Variants in FBXL7 observed in about 807,000 individuals in gnomAD.
FBXL7 encodes F-box/LRR-repeat protein 7.
A neutral mutation model predicts 38.3 loss-of-function variants in FBXL7; 12 were observed. The ratio of observed to expected loss-of-function variants is 0.31; its 90% confidence interval spans 0.20 to 0.51. The LOEUF (loss-of-function observed/expected upper bound fraction) is 0.51, where lower values mean the gene tolerates loss of function less well. FBXL7 is among the 20% of genes least tolerant of loss of function. FBXL7 has a pLI of 0.98. For missense variants in FBXL7, 567 were observed against 676.4 expected (o/e 0.84, Z 1.79); for synonymous variants, 297 against 300.9 (o/e 0.99, Z 0.13).
intron 2 of FBXL7, among the ~76,000 whole-genome samples, chr5:15,768,821 C>T (rs1170469949): frequency 6.6e-6 from 1 of 152,146 alleles, no homozygotes; most frequent in Non-Finnish European, 1.5e-5. Flanking sequence ...GGGGGATTTG[C>T]TATGGACTAC....
intron 2 of FBXL7, among the ~76,000 whole-genome samples, chr5:15,675,006 C>A (rs963217737): frequency 3.3e-5 from 5 of 152,074 alleles, no homozygotes; most frequent in African/African-American, 1.2e-4. Context: ...CAGAGTTTCC[C>A]CCAAGACCTC....
chr5:15,746,344 A>G (rs1561109931), intron 2 of FBXL7, among the ~76,000 whole-genome samples: 1 of 152,324 alleles, frequency 6.6e-6, no homozygotes, highest in African/African-American at 2.4e-5. Flanking sequence ...CTGGTGATAC[A>G]AAGTTGGATG....
At chr5:15,560,694 C>G (rs924622801) in intron 1 of FBXL7, among the ~76,000 whole-genome samples, 1 of 152,188 alleles carries the variant, frequency 6.6e-6, no homozygotes, top group Non-Finnish European at 1.5e-5. Context: ...TTAGCAGTCT[C>G]TTTCAACTTC....
intron 2 of FBXL7, among the ~76,000 whole-genome samples, chr5:15,714,385 A>G (rs1225267307): frequency 1.3e-5 from 2 of 152,176 alleles, no homozygotes; most frequent in African/African-American, 2.4e-5. Flanking sequence ...GCATGCTTCC[A>G]GTACAGCCTG....
chr5:15,739,863 T>C (rs1735849961), intron 2 of FBXL7, among the ~76,000 whole-genome samples: 7 of 152,198 alleles, frequency 4.6e-5, no homozygotes, highest in Admixed American at 4.6e-4. Context: ...TGTGTGCACC[T>C]ATGTTTTCAT....
At chr5:15,558,556 T>G (rs1738320601) in intron 1 of FBXL7, among the ~76,000 whole-genome samples, 1 of 152,210 alleles carries the variant, frequency 6.6e-6, no homozygotes, top group Non-Finnish European at 1.5e-5. Flanking sequence ...CCCAAGGGAT[T>G]TACTTTGGAA....
chr5:15,865,267 A>G lies in FBXL7; in HGVS notation c.128-62623A>G, dbSNP rs79339578. Among the ~76,000 whole-genome samples the G allele has an allele frequency of 6.7e-3, 1,025 of 152,282 alleles. 7 individuals carry two copies. The highest frequency in any genetic ancestry group is 0.012 in the Admixed American group (177 of 15,288). ...CATCTAAATGCTACGAGCTGAAGGAAGGGCTGTTCCCAAAGGAAAGGTTGC... is the reference window on the plus strand; with the variant it reads ...CATCTAAATGCTACGAGCTGAAGGAGGGGCTGTTCCCAAAGGAAAGGTTGC... On this transcript the variant is annotated intron_variant, in intron 2 of 3. Transcript: ENST00000504595.
intron 1 of FBXL7, among the ~76,000 whole-genome samples, chr5:15,542,413 T>A (rs1049731921): frequency 1.3e-5 from 2 of 152,242 alleles, no homozygotes; most frequent in African/African-American, 4.8e-5. Flanking sequence ...TTTATTTTTT[T>A]GCCAACATCC....
intron 1 of FBXL7, among the ~76,000 whole-genome samples, chr5:15,531,654 T>C (rs1737434978): frequency 6.6e-6 from 1 of 152,230 alleles, no homozygotes; most frequent in African/African-American, 2.4e-5. Context: ...TTTCTTATAA[T>C]GTAATTTTAA....
At chr5:15,511,898 AATT>A (rs1736806525) in intron 1 of FBXL7, among the ~76,000 whole-genome samples, 1 of 152,200 alleles carries the variant, frequency 6.6e-6, no homozygotes, top group Non-Finnish European at 1.5e-5. Flanking sequence ...TGAAGTGGTA[AATT>A]ATTATGAGAA....
chr5:15,508,039 A>G (rs1005951449), intron 1 of FBXL7, among the ~76,000 whole-genome samples: 2 of 152,142 alleles, frequency 1.3e-5, no homozygotes, highest in African/African-American at 2.4e-5. Context: ...GCAAGAATCC[A>G]TCTCAAAAAA....
intron 2 of FBXL7, among the ~76,000 whole-genome samples, chr5:15,847,623 C>A (rs1738950147): frequency 6.6e-6 from 1 of 152,088 alleles, no homozygotes; most frequent in South Asian, 2.1e-4. Flanking sequence ...GATTAGGTTT[C>A]ATTATATGGA....
chr5:15,652,543 GGCGTGA>G (rs1327625516), intron 2 of FBXL7, among the ~76,000 whole-genome samples: 2 of 152,202 alleles, frequency 1.3e-5, no homozygotes, highest in Non-Finnish European at 2.9e-5. Flanking sequence ...TGGGATTACA[GGCGTGA>G]GCCATAAGCC....
At chr5:15,931,877 T>TC (rs1428817669) in intron 3 of FBXL7, among the ~76,000 whole-genome samples, 2 of 152,114 alleles carry the variant, frequency 1.3e-5, no homozygotes, top group African/African-American at 4.8e-5. Flanking sequence ...CAGTGAAGCA[T>TC]CCCCTGAATG....
At chr5:15,671,555 C>G (rs1742478159) in intron 2 of FBXL7, among the ~76,000 whole-genome samples, 1 of 152,102 alleles carries the variant, frequency 6.6e-6, no homozygotes, top group South Asian at 2.1e-4. Flanking sequence ...ATTGGTTTTA[C>G]ACTTGATCTT....
intron 2 of FBXL7, among the ~76,000 whole-genome samples, chr5:15,917,852 A>T (rs1051612767): frequency 6.6e-6 from 1 of 151,544 alleles, no homozygotes; most frequent in Non-Finnish European, 1.5e-5. Flanking sequence ...ACCATAGGAG[A>T]TTAACCCCTT....
chr5:15,704,814 A>G (rs1179729415), intron 2 of FBXL7, among the ~76,000 whole-genome samples: 1 of 152,194 alleles, frequency 6.6e-6, no homozygotes, highest in Non-Finnish European at 1.5e-5. Context: ...CTTGAAGGGC[A>G]GCACTTGGGT....
intron 2 of FBXL7, among the ~76,000 whole-genome samples, chr5:15,824,421 C>T (rs1383434939): frequency 1.3e-5 from 2 of 152,104 alleles, no homozygotes; most frequent in South Asian, 2.1e-4. Flanking sequence ...CGGCACTTCC[C>T]GGCCCAGTCT....
At chr5:15,781,473 A>G (rs4702109) in intron 2 of FBXL7, among the ~76,000 whole-genome samples, 16,959 of 151,296 alleles carry the variant, frequency 0.11, 1,122 homozygotes, top group African/African-American at 0.18. Flanking sequence ...GTGTGTGTTG[A>G]GTGTGTAGTA....
Sources: gnomAD v4.1 joint callset for allele counts (sites outside exome capture counted in the v4.1 genomes callset) on GRCh38, gnomAD v4.1.1 for gene constraint, MANE v1.5 for transcripts, NCBI Gene and HGNC (gene_info 2026-07-23, HGNC 2026-07-21) for gene names.